Variants in HS3ST4 observed in about 807,000 individuals in gnomAD.
The protein encoded by HS3ST4 is heparan sulfate glucosamine 3-O-sulfotransferase 4.
Under a neutral mutation model 29.2 loss-of-function variants are expected in HS3ST4, and 17 were observed. The observed-to-expected ratio is 0.58, with a 90% CI of 0.40 to 0.87. HS3ST4 has a LOEUF of 0.87. Among genes scored for constraint, HS3ST4 ranks in the 40% least tolerant of loss-of-function variants. The probability of loss-of-function intolerance (pLI) is 0.00; values close to 1 mark genes in which losing one functional copy is unlikely to be tolerated. For synonymous variants in HS3ST4, 314 were observed against 285.7 expected, an observed-to-expected ratio of 1.10 and a Z score of -1.00; for missense variants, 627 against 634.5, an observed-to-expected ratio of 0.99 and a Z score of 0.13.
At position 26,021,516 on chromosome 16, in the gene HS3ST4, G is replaced by A. The variant is rs146837797; in HGVS notation, c.735-114096G>A. On this transcript the variant is annotated intron_variant, in intron 1 of 1. Transcript: ENST00000331351. ...TTATTTAGTTTCACTGAAAAAGATA[G>A]GATGTGGTCATTCATGAATACAACA... Among the ~76,000 whole-genome samples, 16 of 152,256 alleles carry A rather than the reference G, an allele frequency of 1.1e-4. 1 individual carries two copies. The East Asian group carries it at 3.1e-3, about 29-fold the overall frequency.
chr16:25,918,078 C>A (rs1968310173), intron 1 of HS3ST4, among the ~76,000 whole-genome samples: 1 of 152,180 alleles, frequency 6.6e-6, no homozygotes, highest in Non-Finnish European at 1.5e-5. Context: ...TTTGTTTTAC[C>A]TTTCTGCAGA....
At chr16:25,785,920 A>G (rs751015168) in intron 1 of HS3ST4, among the ~76,000 whole-genome samples, 13 of 152,184 alleles carry the variant, frequency 8.5e-5, no homozygotes, top group East Asian at 7.7e-4. Context: ...GAAAGCTGCC[A>G]TATTTGAAGA....
chr16:26,087,172 TG>T (rs1396293939), intron 1 of HS3ST4, among the ~76,000 whole-genome samples: 1 of 152,246 alleles, frequency 6.6e-6, no homozygotes, highest in African/African-American at 2.4e-5. Context: ...ATTTCCCTGA[TG>T]GGACTTAGAT....
chr16:26,056,186 A>C (rs959452353), intron 1 of HS3ST4, among the ~76,000 whole-genome samples: 2 of 152,174 alleles, frequency 1.3e-5, no homozygotes, highest in African/African-American at 2.4e-5. Context: ...CAAGGGCTAA[A>C]CATCTGTTTC....
chr16:25,988,752 A>G (rs7189129), intron 1 of HS3ST4, among the ~76,000 whole-genome samples: 30,529 of 151,832 alleles, frequency 0.2, 6,912 homozygotes, highest in African/African-American at 0.55. Context: ...GAAAAATAAC[A>G]AATGGGTACT....
intron 1 of HS3ST4, among the ~76,000 whole-genome samples, chr16:25,994,628 AC>A: frequency 6.6e-6 from 1 of 152,342 alleles, no homozygotes; most frequent in East Asian, 1.9e-4. Context: ...CTAAAGGCTC[AC>A]CTTTTATATG....
chr16:26,049,025 CG>C (rs1475763147), intron 1 of HS3ST4, among the ~76,000 whole-genome samples: 1 of 152,002 alleles, frequency 6.6e-6, no homozygotes, highest in African/African-American at 2.4e-5. Context: ...TAGCTAAAAT[CG>C]GAGACTACTC....
chr16:25,739,979 G>A (rs1034751848), intron 1 of HS3ST4, among the ~76,000 whole-genome samples: 24 of 152,136 alleles, frequency 1.6e-4, no homozygotes, highest in African/African-American at 5.3e-4. Flanking sequence ...TCCAAGACAA[G>A]GACCTATTTC....
At chr16:25,934,644 G>A (rs558645205) in intron 1 of HS3ST4, among the ~76,000 whole-genome samples, 3 of 152,292 alleles carry the variant, frequency 2.0e-5, no homozygotes, top group Middle Eastern at 6.8e-3. Context: ...GAGAAATGCA[G>A]GAGACAGCAG....
intron 1 of HS3ST4, among the ~76,000 whole-genome samples, chr16:25,769,668 A>G (rs1380761767): frequency 1.3e-5 from 2 of 152,202 alleles, no homozygotes; most frequent in African/African-American, 4.8e-5. Context: ...ATTTTTTAAT[A>G]AGCACATATT....
In HS3ST4 at chr16:25,732,400, G is replaced by A. The variant is rs138966845; in HGVS notation, c.734+39249G>A. 6.1e-3 allele frequency among the ~76,000 whole-genome samples: 932 copies of A among 152,294 alleles called. 12 individuals are homozygous for A. The highest frequency in any genetic ancestry group is 0.014 in the Middle Eastern group (4 of 294). ...TTGACTGGCTCATTTGGTGAGCCAC[G>A]TTGATATGCCATCTCCGAGGCTGAC... On this transcript the variant is annotated intron_variant, in intron 1 of 1. Coordinates refer to ENST00000331351, the MANE Select transcript of HS3ST4 (RefSeq NM_006040.3).
chr16:25,737,654 A>G (rs934366842), intron 1 of HS3ST4, among the ~76,000 whole-genome samples: 2 of 152,174 alleles, frequency 1.3e-5, no homozygotes, highest in Non-Finnish European at 2.9e-5. Flanking sequence ...TACTTGAGTA[A>G]TGGTTACACC....
chr16:26,114,759 C>T (rs1263618513), intron 1 of HS3ST4, among the ~76,000 whole-genome samples: 1 of 152,106 alleles, frequency 6.6e-6, no homozygotes, highest in Non-Finnish European at 1.5e-5. Flanking sequence ...GTGGTACTCT[C>T]ATGCATGGTG....
chr16:26,122,866 C>A (rs1319535805), intron 1 of HS3ST4, among the ~76,000 whole-genome samples: 1 of 152,010 alleles, frequency 6.6e-6, no homozygotes, highest in Non-Finnish European at 1.5e-5. Flanking sequence ...ACCAGCCTGA[C>A]CAACACGTGA....
At chr16:25,882,813 AATT>A (rs1191669988) in intron 1 of HS3ST4, among the ~76,000 whole-genome samples, 1 of 152,158 alleles carries the variant, frequency 6.6e-6, no homozygotes, top group Non-Finnish European at 1.5e-5. Flanking sequence ...CCACAAGAAT[AATT>A]AACATGGTGA....
intron 1 of HS3ST4, among the ~76,000 whole-genome samples, chr16:25,838,820 T>C (rs867014390): frequency 6.6e-6 from 1 of 152,076 alleles, no homozygotes; most frequent in Non-Finnish European, 1.5e-5. Flanking sequence ...GCGAAGCCCT[T>C]TTTGGGTCAC....
At chr16:25,919,953 A>G (rs766023426) in intron 1 of HS3ST4, among the ~76,000 whole-genome samples, 3 of 152,118 alleles carry the variant, frequency 2.0e-5, no homozygotes, top group African/African-American at 4.8e-5. Context: ...AAAACACCCA[A>G]TCCTCCTCCC....
chr16:25,767,529 T>A (rs1966827959), intron 1 of HS3ST4, among the ~76,000 whole-genome samples: 1 of 152,180 alleles, frequency 6.6e-6, no homozygotes, highest in Non-Finnish European at 1.5e-5. Flanking sequence ...GTAAGTCAAA[T>A]ATTTTTGTGT....
Position 26,135,848 on chromosome 16 carries a change from T to G in HS3ST4, c.971T>G (p.Ile324Ser). The change falls in exon 2 of 2, where the codon ATC (isoleucine) becomes AGC (serine). Residue 324 changes from isoleucine to serine, a missense_variant. Coordinates refer to ENST00000331351, the MANE Select transcript of HS3ST4 (RefSeq NM_006040.3). ...TTCAAAAACCGGACCCTCGGGCTGA[T>G]CGATGCTTCCTGGAGTGCCATTCGA... ...LAFKNRTLGL[I>S]DASWSAIRIG... 2.5e-6 allele frequency: 4 copies of G among 1,613,974 alleles called. No homozygotes were observed. Among genetic ancestry groups the G allele is most frequent in the Non-Finnish European group, 2.5e-6 (3 of 1,179,860 alleles).
Sources: gnomAD v4.1 joint callset for allele counts (sites outside exome capture counted in the v4.1 genomes callset) on GRCh38, gnomAD v4.1.1 for gene constraint, MANE v1.5 for transcripts, NCBI Gene and HGNC (gene_info 2026-07-23, HGNC 2026-07-21) for gene names.